OR2T6: variants seen among roughly 807,000 people sequenced by gnomAD.
OR2T6 encodes the protein olfactory receptor 2T6.
For synonymous variants in OR2T6, 174 were observed against 148.0 expected, an observed-to-expected ratio of 1.18 and a Z score of -1.27; for missense variants, 424 against 391.6, an observed-to-expected ratio of 1.08 and a Z score of -0.70.
chr1:248,377,739 A>G (rs1660959619), intron 1 of OR2T6, among the ~76,000 whole-genome samples: 1 of 152,200 alleles, frequency 6.6e-6, no homozygotes, highest in Non-Finnish European at 1.5e-5. Flanking sequence ...GCTCTGGTAA[A>G]GTGTATTCCT....
chr1:248,389,192 ATGG>A lies in OR2T6; in HGVS notation c.*659_*661del, dbSNP rs897456499. On this transcript the variant is annotated 3_prime_UTR_variant, in exon 3 of 3. Coordinates refer to ENST00000641644, the MANE Select transcript of OR2T6 (RefSeq NM_001005471.2). ...GAGTCTGTAATGTTAGTTTTTTAAT[ATGG>A]TAACTAACTGTTACATTGGAAGACA... is the stretch of plus-strand genomic sequence containing the variant. 6.6e-6 allele frequency: 1 copy of A among 152,236 alleles called. No homozygotes were observed. Among genetic ancestry groups the A allele is most frequent in the African/African-American group, 2.4e-5 (1 of 41,460 alleles). 9.4% of individuals were successfully genotyped at this position (152,236 alleles called of 1,614,324 possible). A position where few individuals can be genotyped will look rare whatever the true frequency, so the allele number is the denominator to read the frequency against.
chr1:248,378,669 G>A (rs1206037865), intron 1 of OR2T6, among the ~76,000 whole-genome samples: 1 of 152,074 alleles, frequency 6.6e-6, no homozygotes, highest in Non-Finnish European at 1.5e-5. Context: ...GTCCTACAGA[G>A]GTCAAAGTCA....
Position 248,388,351 on chromosome 1 carries a change from T to C in OR2T6, c.743T>C (p.Val248Ala). The C allele has an allele frequency of 6.2e-7, 1 of 1,613,522 alleles. No individual in the cohort carries two copies. Among genetic ancestry groups the C allele is most frequent in the Non-Finnish European group, 8.5e-7 (1 of 1,179,660 alleles). The change falls in exon 3 of 3, where the codon GTG (valine) becomes GCG (alanine). Residue 248 changes from valine (V) to alanine (A), a missense_variant. Coordinates refer to ENST00000641644, the MANE Select transcript of OR2T6 (RefSeq NM_001005471.2). The part of the protein sequence containing the change: ...FATCSSHMMV[V>A]TLFYGAALYT... Reference sequence around the variant, plus strand: ...ACCTGCTCTTCACACATGATGGTGGTGACATTGTTCTATGGGGCTGCCTTG... The same window carrying C: ...ACCTGCTCTTCACACATGATGGTGGCGACATTGTTCTATGGGGCTGCCTTG...
At chr1:248,382,233 G>A (rs1180480667) in intron 1 of OR2T6, among the ~76,000 whole-genome samples, 1 of 152,184 alleles carries the variant, frequency 6.6e-6, no homozygotes, top group Non-Finnish European at 1.5e-5. Context: ...TGTGGTCAGT[G>A]TGAATTTTAG....
At chr1:248,380,059 T>G (rs1338331191) in intron 1 of OR2T6, among the ~76,000 whole-genome samples, 1 of 151,938 alleles carries the variant, frequency 6.6e-6, no homozygotes, top group Non-Finnish European at 1.5e-5. Flanking sequence ...TAATTATATA[T>G]GAATATTAAG....
rs905762335 is a variant in OR2T6 at position 248,390,154 on chromosome 1, T to C, written c.*1619T>C. 37 of 152,214 alleles carry C rather than the reference T, an allele frequency of 2.4e-4. No homozygotes were observed. Among genetic ancestry groups the C allele is most frequent in the Admixed American group, 2.2e-3 (33 of 15,280 alleles). 9.4% of individuals were successfully genotyped at this position (152,214 alleles called of 1,614,324 possible). On this transcript the variant is annotated 3_prime_UTR_variant, in exon 3 of 3. Transcript: ENST00000641644. ...GTTTAGTAGACAACACATCTTATCC[T>C]TGTTGGAAAAGTGCTCTATGAAATA...
At chr1:248,387,087 A>T (rs1040324112) in intron 2 of OR2T6, among the ~76,000 whole-genome samples, 5 of 152,248 alleles carry the variant, frequency 3.3e-5, no homozygotes, top group Non-Finnish European at 7.3e-5. Context: ...TCAGGCAGAT[A>T]ATGTAATCAT....
At chr1:248,378,230 A>G (rs1660970415) in intron 1 of OR2T6, among the ~76,000 whole-genome samples, 1 of 152,210 alleles carries the variant, frequency 6.6e-6, no homozygotes. Flanking sequence ...ATTTGTACTT[A>G]CACTAGCAGT....
rs1661198838 is a variant in OR2T6, at chr1:248,388,869, C to T, written c.*334C>T. ...TGTTGAGTTAATATTACATATTCTG[C>T]CCATTTTCAATGGCTCCATAAGAAC... On this transcript the variant is annotated 3_prime_UTR_variant, in exon 3 of 3. Transcript: ENST00000641644. 1.0e-5 allele frequency: 3 copies of T among 288,572 alleles called. No homozygotes were observed. Among genetic ancestry groups the T allele is most frequent in the Admixed American group, 9.5e-5 (2 of 20,988 alleles). 17.9% of individuals were successfully genotyped at this position (288,572 alleles called of 1,614,324 possible).
chr1:248,388,481 T>G lies in OR2T6; in HGVS notation c.873T>G (p.Ser291Arg), dbSNP rs1306960709. Residue 291 changes from serine to arginine, a missense_variant, in exon 3 of 3, where the codon AGT becomes AGG. Ser to Arg is a moderately radical substitution (Grantham distance 110). Coordinates refer to ENST00000641644, the MANE Select transcript of OR2T6 (RefSeq NM_001005471.2). ...CCTTATTAAACCCTCTCATCTACAGTCTGAGGAACAGGGATGTGATGGGTG... is the reference window on the plus strand; with the variant it reads ...CCTTATTAAACCCTCTCATCTACAGGCTGAGGAACAGGGATGTGATGGGTG... Reference protein sequence around the residue: ...LTPLLNPLIYSLRNRDVMGAL... With the variant: ...LTPLLNPLIYRLRNRDVMGAL... 5 of 1,602,276 alleles carry G rather than the reference T, an allele frequency of 3.1e-6. No individual in the cohort carries two copies. The Admixed American group carries it at 8.5e-5, about 27-fold the overall frequency.
At chr1:248,382,548 T>C (rs1356394423) in intron 1 of OR2T6, among the ~76,000 whole-genome samples, 1 of 151,172 alleles carries the variant, frequency 6.6e-6, no homozygotes, top group African/African-American at 2.4e-5. Context: ...TTTTTTTTTT[T>C]TTTAGATGGA....
Position 248,388,274 on chromosome 1 carries a change from C to A in OR2T6, c.666C>A (p.Leu222=). ...TGACTGCATCCTACACCAGGATTCT[C>A]ATCACAGTGCATCAGATGACATCGG... is the stretch of plus-strand genomic sequence containing the variant. ...SVVTASYTRI[L]ITVHQMTSAE... The change falls in exon 3 of 3, where the codon CTC becomes CTA. Residue 222 remains leucine, a synonymous_variant. Transcript: ENST00000641644. 6.2e-7 allele frequency: 1 copy of A among 1,613,968 alleles called. No individual in the cohort carries two copies. Among genetic ancestry groups the A allele is most frequent in the East Asian group, 2.2e-5 (1 of 44,848 alleles).
At chr1:248,377,207 G>A (rs1289631806) in intron 1 of OR2T6, among the ~76,000 whole-genome samples, 2 of 152,190 alleles carry the variant, frequency 1.3e-5, no homozygotes, top group East Asian at 1.9e-4. Context: ...TGCGTCATTA[G>A]CTTGCTTTCT....
rs1661191590 is a variant in OR2T6 at position 248,388,519 on chromosome 1, T to C, written c.911T>C (p.Val304Ala). ...NRDVMGALKR[V>A]VARC Reference sequence around the variant, plus strand: ...GATGTGATGGGTGCCTTGAAGAGAGTTGTGGCAAGATGTTAGGGGACATGT... The same window carrying C: ...GATGTGATGGGTGCCTTGAAGAGAGCTGTGGCAAGATGTTAGGGGACATGT... The change falls in exon 3 of 3, where the codon GTT becomes GCT. Residue 304 changes from valine (V) to alanine (A), a missense_variant. Physicochemically the swap from Val to Ala is moderately conservative, Grantham distance 64 (BLOSUM62 0). Transcript: ENST00000641644. The C allele has an allele frequency of 6.4e-7, 1 of 1,571,144 alleles. No homozygotes were observed. Among genetic ancestry groups the C allele is most frequent in the Non-Finnish European group, 8.6e-7 (1 of 1,160,636 alleles).
chr1:248,387,503 G>T (rs1661153546), intron 2 of OR2T6, 102 bp from the exon 3 acceptor site: 1 of 698,210 alleles, frequency 1.4e-6, no homozygotes, highest in Non-Finnish European at 2.2e-6. Flanking sequence ...CTACATAAAA[G>T]ATTTTAATCT....
intron 1 of OR2T6, among the ~76,000 whole-genome samples, chr1:248,377,389 G>A (rs1405710430): frequency 1.3e-5 from 2 of 152,202 alleles, no homozygotes; most frequent in East Asian, 3.8e-4. Flanking sequence ...ATCAATTGAT[G>A]TATAGACCAC....
In OR2T6 at chr1:248,389,522, G is replaced by A. The variant is rs138052918; in HGVS notation, c.*987G>A. On this transcript the variant is annotated 3_prime_UTR_variant, in exon 3 of 3. Coordinates refer to ENST00000641644, the MANE Select transcript of OR2T6 (RefSeq NM_001005471.2). ...CCTTGTAAATGACTTAGTGTCATGA[G>A]CGGTGCAAAGTTAGAAATAACCAGG... 11 of 152,290 alleles carry A rather than the reference G, an allele frequency of 7.2e-5. No individual in the cohort carries two copies. The highest frequency in any genetic ancestry group is 2.6e-4 in the African/African-American group (11 of 41,552). 9.4% of individuals were successfully genotyped at this position (152,290 alleles called of 1,614,324 possible).
chr1:248,379,721 T>G (rs1470299892), intron 1 of OR2T6, among the ~76,000 whole-genome samples: 1 of 152,088 alleles, frequency 6.6e-6, no homozygotes, highest in Non-Finnish European at 1.5e-5. Flanking sequence ...TTCCATTTTT[T>G]TGTGTACAAA....
At position 248,382,780 on chromosome 1, in the gene OR2T6, T is replaced by A. The variant is rs371832384; in HGVS notation, c.-158-1931T>A. 4.9e-4 allele frequency among the ~76,000 whole-genome samples: 74 copies of A among 152,272 alleles called. 1 individual carries two copies. The highest frequency in any genetic ancestry group is 1.7e-3 in the African/African-American group (70 of 41,554). ...CTCAGGTGATCCACCCACTTTGGCC[T>A]CCCAAAATGCTGGGATTACAGGGGT... On this transcript the variant is annotated intron_variant, in intron 1 of 2. Transcript: ENST00000641644.
Sources: gnomAD v4.1 joint callset for allele counts (sites outside exome capture counted in the v4.1 genomes callset) on GRCh38, gnomAD v4.1.1 for gene constraint, MANE v1.5 for transcripts, NCBI Gene and HGNC (gene_info 2026-07-23, HGNC 2026-07-21) for gene names.